The following HIVEP2 variants were observed in gnomAD, a reference collection of about 807,000 sequenced individuals.
HIVEP2 encodes transcription factor HIVEP2.
A neutral mutation model predicts 180.7 loss-of-function variants in HIVEP2; 14 were observed. The ratio of observed to expected loss-of-function variants is 0.08; its 90% CI spans 0.05 to 0.12. The LOEUF is 0.12. HIVEP2 is among the 10% of genes least tolerant of loss of function. HIVEP2 has a pLI of 1.00. For missense variants in HIVEP2, 2,579 were observed against 3,008.5 expected (o/e 0.86, Z 3.34); for synonymous variants, 1,184 against 1,136.4 (o/e 1.04, Z -0.84).
chr6:142,905,294 A>C (rs914125062), intron 1 of HIVEP2, among the ~76,000 whole-genome samples: 2 of 152,212 alleles, frequency 1.3e-5, no homozygotes, highest in Non-Finnish European at 1.5e-5. Context: ...CTTGAAATGC[A>C]CTATAAATTC....
intron 1 of HIVEP2, among the ~76,000 whole-genome samples, chr6:142,931,114 T>C (rs1182124842): frequency 6.6e-6 from 1 of 152,114 alleles, no homozygotes; most frequent in Non-Finnish European, 1.5e-5. Context: ...ATATTCCTTC[T>C]TTACTATTCA....
chr6:142,870,998 C>G (rs1776278672), intron 1 of HIVEP2, among the ~76,000 whole-genome samples: 1 of 152,158 alleles, frequency 6.6e-6, no homozygotes, highest in South Asian at 2.1e-4. Context: ...CTACTCTTCC[C>G]AACTTTCTCT....
chr6:142,830,494 G>A (rs2114860091), intron 2 of HIVEP2, among the ~76,000 whole-genome samples: 1 of 152,090 alleles, frequency 6.6e-6, no homozygotes, highest in African/African-American at 2.4e-5. Flanking sequence ...GTGAATTTGT[G>A]GGGGAATTTT....
At chr6:142,800,013 T>A (rs1776367424) in intron 2 of HIVEP2, among the ~76,000 whole-genome samples, 1 of 152,164 alleles carries the variant, frequency 6.6e-6, no homozygotes, top group South Asian at 2.1e-4. Context: ...AAACCTCATT[T>A]TTTCCCAAGA....
At chr6:142,867,881 T>C (rs748806324) in intron 1 of HIVEP2, among the ~76,000 whole-genome samples, 4 of 152,160 alleles carry the variant, frequency 2.6e-5, no homozygotes, top group Non-Finnish European at 4.4e-5. Context: ...AACGTTGTGC[T>C]AGAATAGGTC....
chr6:142,891,455 T>C (rs1489709173), intron 1 of HIVEP2, among the ~76,000 whole-genome samples: 1 of 151,768 alleles, frequency 6.6e-6, no homozygotes, highest in African/African-American at 2.4e-5. Flanking sequence ...TAAAAAGTGT[T>C]CTCACCCACA....
chr6:142,919,341 T>C (rs190023789), intron 1 of HIVEP2, among the ~76,000 whole-genome samples: 238 of 152,342 alleles, frequency 1.6e-3, no homozygotes, highest in Non-Finnish European at 2.3e-3. Flanking sequence ...CTTCGCCAGT[T>C]TCAGAGCTTT....
Position 142,769,974 on chromosome 6 carries a change from C to G in HIVEP2, c.4765G>C (p.Ala1589Pro), listed in dbSNP as rs769159959. ...SMSPQSSSLP[A>P]GDGQLEEEGK... ...TCCTCTTCCAGCTGACCATCTCCTGCTGGTAATGAAGAACTCTGTGGGCTC... is the reference window on the plus strand; with the variant it reads ...TCCTCTTCCAGCTGACCATCTCCTGGTGGTAATGAAGAACTCTGTGGGCTC... The change falls in exon 5 of 10, where the codon GCA (alanine) becomes CCA (proline). Residue 1589 changes from alanine to proline, a missense_variant. Physicochemically the swap from Ala to Pro is conservative, Grantham distance 27. Around this residue, in one of 11 missense-constraint regions of HIVEP2, gnomAD observed 349 missense variants for 367.2 expected, o/e 0.95. Coordinates refer to ENST00000367603, the MANE Select transcript of HIVEP2 (RefSeq NM_006734.4). The G allele has an allele frequency of 1.9e-6, 3 of 1,614,106 alleles. No individual in the cohort carries two copies. The highest frequency in any genetic ancestry group is 2.2e-5 in the East Asian group (1 of 44,886).
intron 1 of HIVEP2, among the ~76,000 whole-genome samples, chr6:142,888,902 G>A (rs1464259104): frequency 6.6e-6 from 1 of 152,030 alleles, no homozygotes; most frequent in African/African-American, 2.4e-5. Flanking sequence ...TGCTCTACAT[G>A]ACCAAAAATG....
Position 142,881,601 on chromosome 6 carries a change from G to A in HIVEP2, c.-640-44554C>T, listed in dbSNP as rs564469539. 2.2e-4 allele frequency among the ~76,000 whole-genome samples: 34 copies of A among 152,258 alleles called. No homozygotes were observed. The South Asian group carries it at 6.2e-3, about 28-fold the overall frequency. ...GACCTGAGTTCTGTCATCTGTATTC[G>A]AAAATATGGTCTCTGAGGTCCTGCT... On this transcript the variant is annotated intron_variant, in intron 1 of 9. Coordinates refer to ENST00000367603, the MANE Select transcript of HIVEP2 (RefSeq NM_006734.4).
At chr6:142,913,106 G>C (rs1777455953) in intron 1 of HIVEP2, among the ~76,000 whole-genome samples, 1 of 152,190 alleles carries the variant, frequency 6.6e-6, no homozygotes. Context: ...CCACAGCAGG[G>C]AGACAAAACC....
chr6:142,852,764 T>C (rs1775718782), intron 1 of HIVEP2, among the ~76,000 whole-genome samples: 1 of 151,908 alleles, frequency 6.6e-6, no homozygotes, highest in African/African-American at 2.4e-5. Context: ...ATCTAATGAA[T>C]CAATTTGTGC....
At chr6:142,780,423 A>G (rs1338036394) in intron 3 of HIVEP2, among the ~76,000 whole-genome samples, 3 of 152,202 alleles carry the variant, frequency 2.0e-5, no homozygotes. Context: ...GATTTGAAAC[A>G]TGTTTGAGGA....
chr6:142,790,719 G>C (rs749092395), intron 2 of HIVEP2, among the ~76,000 whole-genome samples: 3 of 152,166 alleles, frequency 2.0e-5, no homozygotes, highest in Non-Finnish European at 4.4e-5. Flanking sequence ...AAAGAGAACA[G>C]AGAAATCAAA....
rs756277330 is a variant in HIVEP2, at chr6:142,774,634, C to G, written c.105G>C (p.Lys35Asn). The change falls in exon 5 of 10, where the codon AAG becomes AAC. Residue 35 changes from lysine (K) to asparagine (N), a missense_variant. This residue lies in a region of HIVEP2 where 207 missense variants were observed against 210.1 expected (regional missense o/e 0.99). Transcript: ENST00000367603. This position sits in a 1 kb window ranked among gnomAD's most constrained non-coding sequence, Gnocchi z 5.1. ...CTTCATGACTGCCAAAAGTGCTCATCTTAATAACAGCTGATTGTTCCTGTC... is the reference window on the plus strand; with the variant it reads ...CTTCATGACTGCCAAAAGTGCTCATGTTAATAACAGCTGATTGTTCCTGTC... ...RWRQEQSAVI[K>N]MSTFGSHEGQ... is the part of the protein sequence containing the mutation. 8.1e-6 allele frequency: 13 copies of G among 1,614,092 alleles called. No individual in the cohort carries two copies. The highest frequency in any genetic ancestry group is 1.6e-4 in the Middle Eastern group (1 of 6,084).
At chr6:142,786,218 T>A (rs1170309914) in intron 2 of HIVEP2, among the ~76,000 whole-genome samples, 3 of 152,198 alleles carry the variant, frequency 2.0e-5, no homozygotes, top group Non-Finnish European at 4.4e-5. Context: ...AAATCAACAG[T>A]TTACATAGTA....
At chr6:142,912,121 T>C (rs1166851911) in intron 1 of HIVEP2, among the ~76,000 whole-genome samples, 1 of 152,206 alleles carries the variant, frequency 6.6e-6, no homozygotes, top group Non-Finnish European at 1.5e-5. Flanking sequence ...GGTTTAAATA[T>C]AAAATTAGCA....
chr6:142,838,940 T>G, intron 1 of HIVEP2, among the ~76,000 whole-genome samples: 1 of 152,162 alleles, frequency 6.6e-6, no homozygotes, highest in Admixed American at 6.6e-5. Context: ...TGCTCTCATT[T>G]CTAACTGGTT....
rs754945204 is a variant in HIVEP2 at position 142,772,024 on chromosome 6, T to TTCCTTC, written c.2709_2714dup (p.Lys904_Glu905dup). The TTCCTTC allele has an allele frequency of 2.8e-5, 46 of 1,614,108 alleles. No homozygotes were observed. The East Asian group carries it at 1.0e-3, about 36-fold the overall frequency. The stretch of plus-strand genomic sequence containing the variant: ...GCTTCTCTGGCTCTTTGCTCTGGGC[T>TTCCTTC]TCCTTCTCCTTCTCAGGTTTATCAG... On this transcript the variant is annotated inframe_insertion, in exon 5 of 10. Coordinates refer to ENST00000367603, the MANE Select transcript of HIVEP2 (RefSeq NM_006734.4). This position sits in a 1 kb window ranked among gnomAD's most constrained non-coding sequence, Gnocchi z 4.9.
Sources: allele counts gnomAD v4.1 joint callset (sites outside exome capture counted in the v4.1 genomes callset), GRCh38; gene constraint gnomAD v4.1.1; regional missense constraint gnomAD v4.1.1; non-coding constraint Gnocchi (gnomAD v3.1); transcripts MANE v1.5; gene names NCBI Gene and HGNC (gene_info 2026-07-23, HGNC 2026-07-21).